CENPI: variants seen among roughly 807,000 people sequenced by gnomAD.
CENPI encodes the protein FSH primary response 1.
A neutral mutation model predicts 60.4 loss-of-function variants in CENPI; 4 were observed. That is an observed-to-expected ratio of 0.07 (90% CI 0.03 to 0.15). CENPI has a LOEUF of 0.15. CENPI is among the 10% of genes least tolerant of loss of function. CENPI has a pLI of 1.00. For missense variants in CENPI, 444 were observed against 534.5 expected, an observed-to-expected ratio of 0.83 and a Z score of 1.67; for synonymous variants, 157 against 189.4, an observed-to-expected ratio of 0.83 and a Z score of 1.40.
At chrX:101,107,549 G>T (rs948145532) in intron 4 of CENPI, among the ~76,000 whole-genome samples, 35 of 109,547 alleles carry the variant, frequency 3.2e-4, no homozygotes, top group Non-Finnish European at 7.6e-5. Context: ...TAGAGATGGG[G>T]TTTCACCATG....
chrX:101,162,470 A>G (rs899862240), intron 21 of CENPI, among the ~76,000 whole-genome samples: 9 of 87,812 alleles, frequency 1.0e-4, no homozygotes, highest in Non-Finnish European at 1.8e-4. Context: ...AAAAAAAAAA[A>G]AAAATATATA....
chrX:101,140,460 TTTC>T (rs1005540609), intron 15 of CENPI, among the ~76,000 whole-genome samples: 2 of 112,229 alleles, frequency 1.8e-5, no homozygotes, highest in African/African-American at 6.5e-5. Context: ...TTGAGGTATG[TTTC>T]TTGTAGAGAA....
intron 4 of CENPI, among the ~76,000 whole-genome samples, chrX:101,107,646 C>T (rs762737800): frequency 1.9e-5 from 2 of 107,695 alleles, no homozygotes; most frequent in South Asian, 4.1e-4. Flanking sequence ...TGTGAGCCAC[C>T]GTGCCCTCAT....
At chrX:101,132,482 T>A (rs926701373) in intron 15 of CENPI, 26 bp downstream of exon 15, 66 of 1,111,438 alleles carry the variant, frequency 5.9e-5, no homozygotes, top group Non-Finnish European at 8.0e-5. Context: ...CTTGCTTAGA[T>A]TCAATAGGAT....
chrX:101,159,469 T>C (rs762536679), intron 20 of CENPI, among the ~76,000 whole-genome samples: 15 of 108,838 alleles, frequency 1.4e-4, no homozygotes, highest in Non-Finnish European at 2.7e-4. Flanking sequence ...GCCTTTTTTT[T>C]CTTTGTGAGA....
At chrX:101,176,825 A>G in the CENPI span, among the ~76,000 whole-genome samples, 1 of 112,639 alleles carries the variant, frequency 8.9e-6, no homozygotes, top group Non-Finnish European at 1.9e-5. Context: ...CTTAGCCATA[A>G]GTTCTTTGCA....
In CENPI at chrX:101,101,221, G is replaced by T; in HGVS notation, c.151G>T (p.Val51Leu). The change falls in exon 3 of 22, where the codon GTG (valine) becomes TTG (leucine). Residue 51 changes from valine (V) to leucine (L), a missense_variant. Val to Leu is a conservative substitution (Grantham distance 32). Coordinates refer to ENST00000682095, the MANE Select transcript of CENPI (RefSeq NM_001386188.2). ...CTCAAAACATGGACAAAACAATCCA[G>T]TGGGAGATTATGAACATGCTGATGA... is the stretch of plus-strand genomic sequence containing the variant. ...NISKHGQNNPVGDYEHADDQA... is the reference protein window; with the variant it reads ...NISKHGQNNPLGDYEHADDQA... The T allele has an allele frequency of 8.3e-7, 1 of 1,210,687 alleles. No homozygotes were observed. The highest frequency in any genetic ancestry group is 1.1e-6 in the Non-Finnish European group (1 of 894,482).
chrX:101,112,674 A>G (rs2089567913), intron 6 of CENPI, among the ~76,000 whole-genome samples: 1 of 112,059 alleles, frequency 8.9e-6, no homozygotes, highest in Non-Finnish European at 1.9e-5. Flanking sequence ...ACAGATTCCA[A>G]CTGTGTTCTC....
At chrX:101,130,616 C>T (rs781197392) in intron 13 of CENPI, among the ~76,000 whole-genome samples, 2 of 112,588 alleles carry the variant, frequency 1.8e-5, no homozygotes, top group African/African-American at 3.2e-5. Flanking sequence ...AGAGAACAAA[C>T]TGAAGATGTA....
downstream of CENPI, among the ~76,000 whole-genome samples, chrX:101,168,306 C>T (rs1442545351): frequency 1.8e-5 from 2 of 112,577 alleles, no homozygotes; most frequent in African/African-American, 6.4e-5. Context: ...TGGCTCACGC[C>T]TGTAATCCCA....
chrX:101,149,163 A>G (rs2089986283), intron 20 of CENPI, among the ~76,000 whole-genome samples: 2 of 111,946 alleles, frequency 1.8e-5, no homozygotes, highest in Non-Finnish European at 3.8e-5. Context: ...AAGTACAAAG[A>G]TGCAGAGCAA....
intron 6 of CENPI, among the ~76,000 whole-genome samples, chrX:101,116,114 TAAA>T (rs1914065522): frequency 9.0e-6 from 1 of 111,524 alleles, no homozygotes; most frequent in South Asian, 3.7e-4. Flanking sequence ...CATATAACAA[TAAA>T]AAATAATACA....
At chrX:101,130,799 C>A (rs770948145) in intron 13 of CENPI, among the ~76,000 whole-genome samples, 2 of 111,818 alleles carry the variant, frequency 1.8e-5, no homozygotes, top group African/African-American at 3.2e-5. Context: ...GGTATCAGCA[C>A]CATCAAGAAG....
chrX:101,121,543 C>A (rs1182000922), intron 8 of CENPI, among the ~76,000 whole-genome samples: 1 of 110,445 alleles, frequency 9.1e-6, no homozygotes, highest in Non-Finnish European at 1.9e-5. Context: ...CCTGCCTCGG[C>A]CTCCCAAAGT....
chrX:101,118,824 G>A (rs757832614), intron 6 of CENPI, among the ~76,000 whole-genome samples: 5 of 111,492 alleles, frequency 4.5e-5, no homozygotes, highest in Non-Finnish European at 9.4e-5. Context: ...TTTTTATACT[G>A]AAAATTGCTA....
intron 15 of CENPI, among the ~76,000 whole-genome samples, chrX:101,139,141 G>A (rs2089886032): frequency 1.1e-5 from 1 of 88,353 alleles, no homozygotes; most frequent in Non-Finnish European, 2.1e-5. Flanking sequence ...CGGCCAGGCT[G>A]TAGTGCAGTG....
At chrX:101,135,188 C>A in intron 15 of CENPI, among the ~76,000 whole-genome samples, 1 of 110,738 alleles carries the variant, frequency 9.0e-6, no homozygotes, top group East Asian at 2.8e-4. Context: ...ATGACAGAAT[C>A]TAGTGTGTGG....
chrX:101,103,491 G>T (rs1264226308), intron 4 of CENPI, among the ~76,000 whole-genome samples: 1 of 110,424 alleles, frequency 9.1e-6, no homozygotes, highest in Non-Finnish European at 1.9e-5. Flanking sequence ...ACAGGCATGC[G>T]CCACCACGCC....
At chrX:101,174,480 A>G in the CENPI span, among the ~76,000 whole-genome samples, 2 of 112,151 alleles carry the variant, frequency 1.8e-5, no homozygotes, top group Non-Finnish European at 3.8e-5. Flanking sequence ...AGAATACTAC[A>G]TAGCCATAAA....
Sources: allele counts gnomAD v4.1 joint callset (sites outside exome capture counted in the v4.1 genomes callset), GRCh38; gene constraint gnomAD v4.1.1; transcripts MANE v1.5; gene names NCBI Gene and HGNC (gene_info 2026-07-23, HGNC 2026-07-21).